Variants in SLC22A23 observed in about 807,000 individuals in gnomAD.
SLC22A23 encodes solute carrier family 22 member 23.
SLC22A23 carries 26 observed loss-of-function variants against 61.0 expected under a neutral mutation model. The observed-to-expected ratio is 0.43, with a 90% CI of 0.31 to 0.59. The LOEUF (loss-of-function observed/expected upper bound fraction) is 0.59. Among genes scored for constraint, SLC22A23 ranks in the 20% least tolerant of loss-of-function variants. The pLI is 0.11. For synonymous variants in SLC22A23, 430 were observed against 413.9 expected, an observed-to-expected ratio of 1.04 and a Z score of -0.47; for missense variants, 796 against 934.7, an observed-to-expected ratio of 0.85 and a Z score of 1.94.
rs1338025158 is a variant in SLC22A23 at position 3,330,906 on chromosome 6, A to C, written c.914-6904T>G. ...TCCAGTGTCTGCCAGACATGTAGAC[A>C]TAGGCATTAAATGCTCAAATGCAGA... On this transcript the variant is annotated intron_variant, in intron 3 of 9. Transcript: ENST00000406686. The surrounding 1 kb of genome is among the most constrained non-coding windows in gnomAD (Gnocchi z 4.7). Among the ~76,000 whole-genome samples, 1 of 152,258 alleles carries C rather than the reference A, an allele frequency of 6.6e-6. No individual in the cohort carries two copies. The highest frequency in any genetic ancestry group is 2.4e-5 in the African/African-American group (1 of 41,480).
In SLC22A23 at chr6:3,322,871, A is replaced by T. The variant is rs950263243; in HGVS notation, c.1082+963T>A. On this transcript the variant is annotated intron_variant, in intron 4 of 9. Coordinates refer to ENST00000406686, the MANE Select transcript of SLC22A23 (RefSeq NM_015482.2). This position sits in a 1 kb window ranked among gnomAD's most constrained non-coding sequence, Gnocchi z 4.1. ...ATTGTTGACTAAATAGTAGCAATAC[A>T]GGGCCACATCCATGATCTACTTATG... Among the ~76,000 whole-genome samples the T allele has an allele frequency of 6.6e-6, 1 of 152,224 alleles. No homozygotes were observed. The highest frequency in any genetic ancestry group is 2.4e-5 in the African/African-American group (1 of 41,452).
chr6:3,354,099 G>A (rs1049926218), intron 3 of SLC22A23, among the ~76,000 whole-genome samples: 7 of 152,188 alleles, frequency 4.6e-5, no homozygotes, highest in African/African-American at 1.2e-4. Context: ...TGGAAATTTC[G>A]ATGGTGATCA....
intron 3 of SLC22A23, among the ~76,000 whole-genome samples, chr6:3,340,183 C>G (rs1317020925): frequency 6.6e-6 from 1 of 152,144 alleles, no homozygotes; most frequent in African/African-American, 2.4e-5. Context: ...AATTGGTTGG[C>G]ATTTCCATTT....
At position 3,317,085 on chromosome 6, in the gene SLC22A23, T is replaced by C. The variant is rs959160169; in HGVS notation, c.1082+6749A>G. On this transcript the variant is annotated intron_variant, in intron 4 of 9. Transcript: ENST00000406686. This position sits in a 1 kb window ranked among gnomAD's most constrained non-coding sequence, Gnocchi z 4.4. ...CAAGCCACTTGAGATAAACACCACA[T>C]GGCAGCCTCTCCAACAGCCTTCTCC... 2.6e-5 allele frequency among the ~76,000 whole-genome samples: 4 copies of C among 152,220 alleles called. No homozygotes were observed. The highest frequency in any genetic ancestry group is 2.9e-5 in the Non-Finnish European group (2 of 68,034).
In SLC22A23 at chr6:3,367,045, C is replaced by T. The variant is rs139857797; in HGVS notation, c.914-43043G>A. Reference sequence around the variant, plus strand: ...AAACATGGCAATCAATCATTGCAAGCACCCCACCAACTCCTGACGAGATGC... The same window carrying T: ...AAACATGGCAATCAATCATTGCAAGTACCCCACCAACTCCTGACGAGATGC... On this transcript the variant is annotated intron_variant, in intron 3 of 9. Coordinates refer to ENST00000406686, the MANE Select transcript of SLC22A23 (RefSeq NM_015482.2). Among the ~76,000 whole-genome samples, 1,193 of 152,346 alleles carry T rather than the reference C, an allele frequency of 7.8e-3. 11 individuals carry two copies. Among genetic ancestry groups the T allele is most frequent in the African/African-American group, 0.028 (1,153 of 41,576 alleles).
chr6:3,438,380 T>C (rs1195171045), intron 1 of SLC22A23: 1 of 384,290 alleles, frequency 2.6e-6, no homozygotes, highest in South Asian at 2.0e-5. Flanking sequence ...TTGGCACAGG[T>C]AGCAGATGTT....
Position 3,289,817 on chromosome 6 carries a change from C to T in SLC22A23, c.1260G>A (p.Lys420=). The change falls in exon 6 of 10, where the codon AAG becomes AAA. Residue 420 remains lysine, a synonymous_variant. Coordinates refer to ENST00000406686, the MANE Select transcript of SLC22A23 (RefSeq NM_015482.2). ...SRRPKKVCIV[K]VVGTRNLWKN... ...TCCACAGGTTCCGTGTCCCCACCAC[C>T]TTCACGATGCAGACCTTCTTGGGCC... is the stretch of plus-strand genomic sequence containing the variant. The T allele has an allele frequency of 6.2e-7, 1 of 1,614,036 alleles. No individual in the cohort carries two copies. The highest frequency in any genetic ancestry group is 8.5e-7 in the Non-Finnish European group (1 of 1,180,022).
chr6:3,336,707 C>T (rs755158530), intron 3 of SLC22A23, among the ~76,000 whole-genome samples: 7 of 152,110 alleles, frequency 4.6e-5, no homozygotes, highest in Non-Finnish European at 1.0e-4. Flanking sequence ...AGAAATCAGA[C>T]CACAGAAATC....
intron 4 of SLC22A23, among the ~76,000 whole-genome samples, chr6:3,306,285 C>T (rs766357026): frequency 6.6e-6 from 1 of 152,204 alleles, no homozygotes; most frequent in Non-Finnish European, 1.5e-5. Context: ...CCAGGCCCTA[C>T]CTCCAACACC....
At chr6:3,298,896 C>T (rs914436784) in intron 4 of SLC22A23, among the ~76,000 whole-genome samples, 17 of 148,250 alleles carry the variant, frequency 1.1e-4, no homozygotes, top group East Asian at 2.0e-4. Context: ...GGTGTGAACC[C>T]GGGAAGCGGA....
At chr6:3,444,242 G>A (rs1305459839) in intron 1 of SLC22A23, among the ~76,000 whole-genome samples, 1 of 152,132 alleles carries the variant, frequency 6.6e-6, no homozygotes, top group Non-Finnish European at 1.5e-5. Context: ...CTTGTGTGGA[G>A]GGAGATCTGC....
At chr6:3,354,385 T>G (rs1206387582) in intron 3 of SLC22A23, among the ~76,000 whole-genome samples, 1 of 152,234 alleles carries the variant, frequency 6.6e-6, no homozygotes, top group Non-Finnish European at 1.5e-5. Context: ...ATGAGGTGGG[T>G]TGGGTAAACA....
chr6:3,394,001 C>T (rs1466630160), intron 3 of SLC22A23, among the ~76,000 whole-genome samples: 1 of 152,070 alleles, frequency 6.6e-6, no homozygotes, highest in African/African-American at 2.4e-5. Context: ...AGGAAAAATG[C>T]CAAAAAGGAG....
chr6:3,453,426 A>T (rs2127560816), intron 1 of SLC22A23, among the ~76,000 whole-genome samples: 1 of 152,220 alleles, frequency 6.6e-6, no homozygotes, highest in Admixed American at 6.5e-5. Context: ...GGATAACTTC[A>T]TGTTAGAGAT....
At chr6:3,336,142 A>C (rs1254898195) in intron 3 of SLC22A23, among the ~76,000 whole-genome samples, 1 of 151,954 alleles carries the variant, frequency 6.6e-6, no homozygotes, top group Non-Finnish European at 1.5e-5. Flanking sequence ...GCCTGCTGGA[A>C]GTTGTAGAAA....
chr6:3,311,145 G>A (rs554775690), intron 4 of SLC22A23, among the ~76,000 whole-genome samples: 4 of 152,298 alleles, frequency 2.6e-5, no homozygotes, highest in Non-Finnish European at 5.9e-5. Flanking sequence ...GGGCAAAAAC[G>A]TGTAAATTAA....
At chr6:3,420,550 C>T (rs1182699569) in intron 1 of SLC22A23, among the ~76,000 whole-genome samples, 1 of 152,008 alleles carries the variant, frequency 6.6e-6, no homozygotes, top group East Asian at 1.9e-4. Flanking sequence ...AAGAGAAAAA[C>T]TAAGGGGGAA....
intron 3 of SLC22A23, among the ~76,000 whole-genome samples, chr6:3,382,461 A>G (rs1366741858): frequency 6.6e-6 from 1 of 152,192 alleles, no homozygotes; most frequent in African/African-American, 2.4e-5. Flanking sequence ...GAGGTATCAC[A>G]AGCTCAGCTT....
At chr6:3,449,832 GTGCA>G (rs1020366932) in intron 1 of SLC22A23, among the ~76,000 whole-genome samples, 4 of 152,304 alleles carry the variant, frequency 2.6e-5, no homozygotes, top group African/African-American at 7.2e-5. Context: ...GCAAATGTCT[GTGCA>G]TGCCAAGATT....
Sources: gnomAD v4.1 joint callset for allele counts (sites outside exome capture counted in the v4.1 genomes callset) on GRCh38, gnomAD v4.1.1 for gene constraint, Gnocchi (gnomAD v3.1) non-coding constraint, MANE v1.5 for transcripts, NCBI Gene and HGNC (gene_info 2026-07-23, HGNC 2026-07-21) for gene names.